ZNF875: variants seen among roughly 807,000 people sequenced by gnomAD.
ZNF875 encodes HKR1, GLI-Kruppel zinc finger family member.
In ZNF875, 14 loss-of-function variants were observed where a neutral mutation model predicts 11.2. The ratio of observed to expected loss-of-function variants is 1.26; its 90% CI spans 0.83 to 1.96. The LOEUF is 1.96. ZNF875 is among the 30% of genes most tolerant of loss of function. ZNF875 has a pLI of 0.00. For synonymous variants in ZNF875, 301 were observed against 281.1 expected (o/e 1.07, Z -0.71); for missense variants, 752 against 760.4 (o/e 0.99, Z 0.13).
At chr19:37,317,505 T>C (rs1162140849), upstream of ZNF875, among the ~76,000 whole-genome samples, 1 of 152,164 alleles carries the variant, frequency 6.6e-6, no homozygotes. Context: ...AGACTGGCGG[T>C]GCACAAAGTT....
intron 2 of ZNF875, chr19:37,344,709 A>G (rs2036429264): frequency 1.2e-6 from 2 of 1,614,012 alleles, no homozygotes; most frequent in Non-Finnish European, 8.5e-7. Context: ...CACAGTGTCT[A>G]CAATGCTCCC....
chr19:37,321,427 C>G lies in ZNF875; in HGVS notation c.-746-758C>G, dbSNP rs565284938. On this transcript the variant is annotated intron_variant, in intron 1 of 5. Coordinates refer to the ZNF875 transcript ENST00000544914. ...GACACAGAGATATTCACATGTTTTC[C>G]TGCTGACCCTCTCCCCACTATTACC... Among the ~76,000 whole-genome samples the G allele has an allele frequency of 3.3e-5, 5 of 152,264 alleles. No homozygotes were observed. In the South Asian group the frequency reaches 1.0e-3, roughly 32 times the overall value.
At chr19:37,319,289 G>A (rs1303111261) in intron 1 of ZNF875, among the ~76,000 whole-genome samples, 2 of 145,612 alleles carry the variant, frequency 1.4e-5, no homozygotes, top group African/African-American at 5.2e-5. Context: ...TGGGTGATCC[G>A]CCCGCCTGGG....
chr19:37,363,366 C>T lies in ZNF875; in HGVS notation c.1514C>T (p.Pro505Leu). The change falls in exon 5 of 5, where the codon CCA becomes CTA. Residue 505 changes from proline to leucine, a missense_variant. Coordinates refer to ENST00000392153, the MANE Select transcript of ZNF875 (RefSeq NM_001353803.2). ...CAGAGGACACACTCAGGGGAGAAGC[C>T]ATTTGTATGTGCTGAGTGTGGACGA... ...THQRTHSGEK[P>L]FVCAECGRGF... 3 of 1,612,576 alleles carry T rather than the reference C, an allele frequency of 1.9e-6. No individual in the cohort carries two copies. The South Asian group carries it at 3.3e-5, about 18-fold the overall frequency.
chr19:37,342,008 C>T lies in ZNF875; in HGVS notation c.34-5182C>T, dbSNP rs116594327. On this transcript the variant is annotated intron_variant, in intron 2 of 4. Coordinates refer to ENST00000392153, the MANE Select transcript of ZNF875 (RefSeq NM_001353803.2). ...AAAGCTCTATGGGTTTCCCATGTAC[C>T]AGATTTGGGACTGCTCTATTAAACA... Among the ~76,000 whole-genome samples the T allele has an allele frequency of 6.4e-3, 974 of 152,276 alleles. 8 individuals are homozygous for T. The highest frequency in any genetic ancestry group is 0.022 in the African/African-American group (907 of 41,568).
chr19:37,330,159 A>G (rs559065346), upstream of ZNF875, among the ~76,000 whole-genome samples: 52 of 152,260 alleles, frequency 3.4e-4, 1 homozygote, highest in African/African-American at 1.2e-3. Flanking sequence ...TTTAAATTGT[A>G]TATATTTATG....
intron 4 of ZNF875, among the ~76,000 whole-genome samples, chr19:37,358,377 C>T (rs1310529861): frequency 1.3e-5 from 2 of 151,634 alleles, no homozygotes; most frequent in South Asian, 2.1e-4. Context: ...CCTCGTGATC[C>T]GCCCGCCTCA....
chr19:37,347,051 A>T lies in ZNF875; in HGVS notation c.34-139A>T, dbSNP rs1239329554. On this transcript the variant is annotated intron_variant, in intron 2 of 4. Transcript: ENST00000392153. ...AGGCTGATCTCAAACTCTCGACCTC[A>T]GGTGATCCGCCCACCTTGGCCTCCC... The T allele has an allele frequency of 5.0e-6, 5 of 1,005,668 alleles. No individual in the cohort carries two copies. The East Asian group carries it at 9.9e-5, about 20-fold the overall frequency. 62.3% of individuals were successfully genotyped at this position (1,005,668 alleles called of 1,614,324 possible).
At chr19:37,315,989 G>T (rs894133723), upstream of ZNF875, among the ~76,000 whole-genome samples, 4 of 152,044 alleles carry the variant, frequency 2.6e-5, no homozygotes, top group Non-Finnish European at 5.9e-5. Flanking sequence ...GTTCGTTTTC[G>T]CATTCCATCC....
At chr19:37,325,294 G>T (rs1025619646) in intron 4 of ZNF875, among the ~76,000 whole-genome samples, 4 of 152,234 alleles carry the variant, frequency 2.6e-5, no homozygotes, top group African/African-American at 9.6e-5. Context: ...AGATGTGTCT[G>T]TCGCTTCCCT....
chr19:37,321,739 G>T (rs948967517), intron 1 of ZNF875, among the ~76,000 whole-genome samples: 2 of 152,180 alleles, frequency 1.3e-5, no homozygotes, highest in Non-Finnish European at 2.9e-5. Flanking sequence ...CAGGTCAGAT[G>T]CTGAGTGATC....
intron 2 of ZNF875, among the ~76,000 whole-genome samples, chr19:37,342,978 C>T (rs1417907072): frequency 5.9e-5 from 9 of 152,112 alleles, no homozygotes; most frequent in African/African-American, 2.2e-4. Flanking sequence ...AAGCTAATGC[C>T]ACATGTTTTA....
At chr19:37,326,664 C>CTTTTTTTTTTTTTTTTTTTTTT (rs35805509) in intron 4 of ZNF875, among the ~76,000 whole-genome samples, 2 of 88,084 alleles carry the variant, frequency 2.3e-5, no homozygotes, top group African/African-American at 4.4e-5. Context: ...AATTAGAAAG[C>CTTTTTTTTTTTTTTTTTTTTTT]TTTTTTTTTT....
chr19:37,336,702 A>G (rs1327058091), intron 2 of ZNF875, among the ~76,000 whole-genome samples: 1 of 148,766 alleles, frequency 6.7e-6, no homozygotes, highest in Non-Finnish European at 1.5e-5. Context: ...AGGTCAGGAG[A>G]TGGAGACCAT....
chr19:37,330,103 A>G (rs1377992035), upstream of ZNF875, among the ~76,000 whole-genome samples: 2 of 152,194 alleles, frequency 1.3e-5, no homozygotes, highest in Non-Finnish European at 2.9e-5. Context: ...ATATGTTTGA[A>G]AAATAAAGAA....
chr19:37,320,111 G>A (rs775595278), intron 1 of ZNF875, among the ~76,000 whole-genome samples: 7 of 152,048 alleles, frequency 4.6e-5, no homozygotes, highest in Non-Finnish European at 5.9e-5. Flanking sequence ...TCCTGACTTC[G>A]TAATCCACCC....
chr19:37,345,071 A>T (rs2036516621), intron 2 of ZNF875: 1 of 280,088 alleles, frequency 3.6e-6, no homozygotes, highest in African/African-American at 2.1e-5. Flanking sequence ...TCCTACAGTG[A>T]CCTCTCCCTC....
intron 2 of ZNF875, among the ~76,000 whole-genome samples, chr19:37,335,534 G>T (rs974168932): frequency 1.3e-5 from 2 of 152,198 alleles, no homozygotes; most frequent in African/African-American, 4.8e-5. Context: ...GGGGTCGGGG[G>T]CACTTTGTCT....
upstream of ZNF875, among the ~76,000 whole-genome samples, chr19:37,334,132 G>T (rs2033813297): frequency 6.6e-6 from 1 of 152,148 alleles, no homozygotes; most frequent in South Asian, 2.1e-4. Context: ...AACCAATCCT[G>T]CTCTCCGCGA....
Sources: gnomAD v4.1 joint callset for allele counts (sites outside exome capture counted in the v4.1 genomes callset) on GRCh38, gnomAD v4.1.1 for gene constraint, MANE v1.5 for transcripts, NCBI Gene and HGNC (gene_info 2026-07-23, HGNC 2026-07-21) for gene names.